The following ASIC2 variants were observed in gnomAD, a reference collection of about 807,000 sequenced individuals.
ASIC2 encodes acid sensing ion channel subunit 2.
In ASIC2, 25 loss-of-function variants were observed where a neutral mutation model predicts 57.3. The observed-to-expected ratio is 0.44, with a 90% confidence interval of 0.32 to 0.61. The LOEUF (loss-of-function observed/expected upper bound fraction) is 0.61. Among genes scored for constraint, ASIC2 ranks in the 20% least tolerant of loss-of-function variants. ASIC2 has a pLI of 0.06. For missense variants in ASIC2, 641 were observed against 738.1 expected, an observed-to-expected ratio of 0.87 and a Z score of 1.52; for synonymous variants, 319 against 307.5, an observed-to-expected ratio of 1.04 and a Z score of -0.39.
At chr17:33,418,028 A>ATGTGTGTGTGTGTGTGTG (rs1161141315) in intron 1 of ASIC2, among the ~76,000 whole-genome samples, 2 of 67,820 alleles carry the variant, frequency 2.9e-5, no homozygotes, top group Admixed American at 1.6e-4. Context: ...GCATGTATGT[A>ATGTGTGTGTGTGTGTGTG]TGTGTGTGTG....
intron 1 of ASIC2, among the ~76,000 whole-genome samples, chr17:33,994,155 G>A (rs79391456): frequency 0.014 from 2,082 of 152,304 alleles, 29 homozygotes; most frequent in Middle Eastern, 0.054. Context: ...TCTGAGGCTG[G>A]TGTATCAGGG....
chr17:33,045,556 C>CTTTT (rs1264235121), intron 3 of ASIC2, among the ~76,000 whole-genome samples: 3 of 152,152 alleles, frequency 2.0e-5, no homozygotes, highest in Non-Finnish European at 4.4e-5. Context: ...TGGCCAGGCA[C>CTTTT]TTTACCTCTC....
intron 3 of ASIC2, among the ~76,000 whole-genome samples, chr17:33,068,086 C>T (rs544557132): frequency 1.3e-5 from 2 of 152,062 alleles, no homozygotes; most frequent in Non-Finnish European, 2.9e-5. Context: ...GAGAGTGCAA[C>T]GGCAGGGGAA....
At chr17:33,394,833 CA>C (rs1178539337) in intron 1 of ASIC2, among the ~76,000 whole-genome samples, 2 of 152,046 alleles carry the variant, frequency 1.3e-5, no homozygotes, top group African/African-American at 4.8e-5. Flanking sequence ...ATCATATATA[CA>C]AAAAGGGAAA....
At position 34,123,156 on chromosome 17, in the gene ASIC2, A is replaced by G. The variant is rs1911675908; in HGVS notation, c.555+32822T>C. On this transcript the variant is annotated intron_variant, in intron 1 of 9. Transcript: ENST00000359872. ...AATCCCCTAGAACATGGCCCTCTCCAAGGGTGATAACAAGCTCTGGGCAGA... is the reference window on the plus strand; with the variant it reads ...AATCCCCTAGAACATGGCCCTCTCCGAGGGTGATAACAAGCTCTGGGCAGA... Among the ~76,000 whole-genome samples the G allele has an allele frequency of 2.0e-5, 3 of 152,098 alleles. No homozygotes were observed. In the South Asian group the frequency reaches 6.2e-4, roughly 32 times the overall value.
intron 1 of ASIC2, among the ~76,000 whole-genome samples, chr17:33,287,835 G>A (rs1185654002): frequency 6.6e-6 from 1 of 152,196 alleles, no homozygotes; most frequent in Non-Finnish European, 1.5e-5. Context: ...GAGCACAGGT[G>A]TCTGGGGAGT....
intron 1 of ASIC2, among the ~76,000 whole-genome samples, chr17:33,637,853 C>G (rs1158585836): frequency 6.6e-6 from 1 of 152,146 alleles, no homozygotes. Context: ...AGTTATCACT[C>G]AAATAAGTCT....
intron 1 of ASIC2, among the ~76,000 whole-genome samples, chr17:33,429,184 AT>A (rs143337866): frequency 2.8e-4 from 41 of 148,966 alleles, no homozygotes; most frequent in African/African-American, 7.1e-4. Context: ...CATTTTAGAC[AT>A]TTTTTTTTTA....
intron 1 of ASIC2, among the ~76,000 whole-genome samples, chr17:33,192,453 A>G (rs1395925632): frequency 1.3e-5 from 2 of 148,200 alleles, no homozygotes; most frequent in African/African-American, 5.1e-5. Context: ...ACAAAACAAA[A>G]CACAACCAAA....
intron 1 of ASIC2, among the ~76,000 whole-genome samples, chr17:33,251,109 T>C (rs951223116): frequency 1.3e-5 from 2 of 152,220 alleles, no homozygotes; most frequent in Admixed American, 1.3e-4. Context: ...GCTTTGACTA[T>C]CAGAGAGAGA....
At chr17:33,071,072 A>G (rs1405343732) in intron 3 of ASIC2, among the ~76,000 whole-genome samples, 1 of 151,898 alleles carries the variant, frequency 6.6e-6, no homozygotes, top group Non-Finnish European at 1.5e-5. Flanking sequence ...TTTCGGTATG[A>G]CTTTGCTGTA....
intron 1 of ASIC2, among the ~76,000 whole-genome samples, chr17:33,681,864 A>G (rs1908011016): frequency 6.6e-6 from 1 of 152,098 alleles, no homozygotes; most frequent in Non-Finnish European, 1.5e-5. Context: ...CAGGAGACAC[A>G]CTCATGCTGA....
intron 1 of ASIC2, among the ~76,000 whole-genome samples, chr17:33,722,772 A>G (rs1427510442): frequency 1.3e-5 from 2 of 152,168 alleles, no homozygotes; most frequent in Non-Finnish European, 2.9e-5. Context: ...CTAATAAAAC[A>G]ACAATGGCAA....
chr17:33,026,073 C>T (rs762590925), intron 4 of ASIC2, 91 bp from the exon 5 acceptor site: 102 of 1,441,812 alleles, frequency 7.1e-5, no homozygotes, highest in Non-Finnish European at 9.3e-5. Context: ...GAAAGGGGTG[C>T]CTCCTGGCAG....
intron 1 of ASIC2, among the ~76,000 whole-genome samples, chr17:33,530,723 AG>A (rs1233890302): frequency 2.0e-5 from 3 of 152,226 alleles, no homozygotes; most frequent in African/African-American, 7.2e-5. Context: ...AGGGAGACAG[AG>A]GTAGGCCAGC....
At chr17:33,227,832 T>A (rs1389700713) in intron 1 of ASIC2, among the ~76,000 whole-genome samples, 1 of 152,210 alleles carries the variant, frequency 6.6e-6, no homozygotes, top group African/African-American at 2.4e-5. Flanking sequence ...AGCCCAGGAT[T>A]TGAGCTCAGA....
intron 1 of ASIC2, among the ~76,000 whole-genome samples, chr17:33,251,003 T>C (rs544507051): frequency 6.6e-6 from 1 of 152,380 alleles, no homozygotes; most frequent in South Asian, 2.1e-4. Flanking sequence ...AAATTCTTAA[T>C]GTTTTATGCC....
At chr17:33,873,685 G>A (rs1007693107) in intron 1 of ASIC2, among the ~76,000 whole-genome samples, 4 of 152,198 alleles carry the variant, frequency 2.6e-5, no homozygotes, top group Non-Finnish European at 5.9e-5. Context: ...AGCACCCAAT[G>A]CAAACTTTCA....
At chr17:33,863,909 T>TTG (rs372938431) in intron 1 of ASIC2, among the ~76,000 whole-genome samples, 42,648 of 128,184 alleles carry the variant, frequency 0.33, 6,731 homozygotes, top group East Asian at 0.6. Flanking sequence ...TGTTTTTTTT[T>TTG]TTTTTGTTTT....
Sources: gnomAD v4.1 joint callset for allele counts (sites outside exome capture counted in the v4.1 genomes callset) on GRCh38, gnomAD v4.1.1 for gene constraint, MANE v1.5 for transcripts, NCBI Gene and HGNC (gene_info 2026-07-23, HGNC 2026-07-21) for gene names.